The following TASP1 variants were observed in gnomAD, a reference collection of about 807,000 sequenced individuals.
The protein encoded by TASP1 is threonine aspartase 1.
TASP1 carries 16 observed loss-of-function variants against 56.6 expected under a neutral mutation model. The observed-to-expected ratio is 0.28, with a 90% CI of 0.19 to 0.43. The LOEUF is 0.43. Among genes scored for constraint, TASP1 ranks in the 20% least tolerant of loss-of-function variants. TASP1 has a pLI of 1.00. For synonymous variants in TASP1, 179 were observed against 184.2 expected (o/e 0.97, Z 0.23); for missense variants, 393 against 511.6 (o/e 0.77, Z 2.24).
chr20:13,236,616 C>T, the TASP1 span, among the ~76,000 whole-genome samples: 3 of 152,270 alleles, frequency 2.0e-5, no homozygotes, highest in East Asian at 5.8e-4. Context: ...GTACCTTCTG[C>T]CTATGAGCCT....
At chr20:13,484,733 C>CAAAAAAA (rs34720600) in intron 10 of TASP1, among the ~76,000 whole-genome samples, 11 of 81,106 alleles carry the variant, frequency 1.4e-4, no homozygotes, top group East Asian at 3.5e-4. Context: ...CAAGATTTCT[C>CAAAAAAA]AAAAAAAAAA....
At chr20:13,434,974 G>T (rs960568353) in intron 12 of TASP1, 70 bp downstream of exon 12, 7 of 1,100,446 alleles carry the variant, frequency 6.4e-6, no homozygotes, top group Non-Finnish European at 9.2e-6. Context: ...TGACTTAAGG[G>T]TATAAATATT....
At chr20:13,510,311 CA>C (rs1341157400) in intron 10 of TASP1, among the ~76,000 whole-genome samples, 2 of 152,032 alleles carry the variant, frequency 1.3e-5, no homozygotes, top group Non-Finnish European at 2.9e-5. Flanking sequence ...GAGAGGAAAA[CA>C]AATTCAAACA....
At chr20:13,484,668 G>A (rs1357087366) in intron 10 of TASP1, among the ~76,000 whole-genome samples, 2 of 150,776 alleles carry the variant, frequency 1.3e-5, no homozygotes, top group South Asian at 2.1e-4. Flanking sequence ...CCTGGTAGGC[G>A]GAGTTTGCTG....
chr20:13,158,494 C>G, the TASP1 span, among the ~76,000 whole-genome samples: 1 of 152,154 alleles, frequency 6.6e-6, no homozygotes, highest in African/African-American at 2.4e-5. Flanking sequence ...GTCCTGAAAA[C>G]TGGCCTGAGA....
At chr20:13,288,654 C>G in the TASP1 span, 32 of 1,613,812 alleles carry the variant, frequency 2.0e-5, no homozygotes, top group Non-Finnish European at 4.2e-6. Context: ...GCAACAGAAT[C>G]GAGGACCTGT....
chr20:13,406,382 A>T (rs1480793582), intron 13 of TASP1, among the ~76,000 whole-genome samples: 1 of 152,250 alleles, frequency 6.6e-6, no homozygotes, highest in African/African-American at 2.4e-5. Context: ...CACGTCTTGC[A>T]CATCATTCGT....
At chr20:13,508,551 G>A (rs1344856653) in intron 10 of TASP1, among the ~76,000 whole-genome samples, 1 of 152,086 alleles carries the variant, frequency 6.6e-6, no homozygotes, top group Admixed American at 6.6e-5. Flanking sequence ...AACTTCTGGT[G>A]CCCAGCATTT....
At chr20:13,497,893 C>G (rs758538470) in intron 10 of TASP1, among the ~76,000 whole-genome samples, 1 of 152,154 alleles carries the variant, frequency 6.6e-6, no homozygotes, top group African/African-American at 2.4e-5. Context: ...AGAAATGACT[C>G]TGTATTTAAT....
chr20:13,527,293 G>A (rs1385727691), intron 10 of TASP1, among the ~76,000 whole-genome samples: 1 of 152,132 alleles, frequency 6.6e-6, no homozygotes, highest in South Asian at 2.1e-4. Flanking sequence ...CTACTGGACT[G>A]GGTGCTTTGT....
chr20:13,396,456 G>T (rs2041541887), intron 13 of TASP1, among the ~76,000 whole-genome samples: 1 of 152,126 alleles, frequency 6.6e-6, no homozygotes, highest in African/African-American at 2.4e-5. Context: ...TGGGTGAAAA[G>T]ATCTGGGTGC....
chr20:13,520,752 C>G (rs1159700404), intron 10 of TASP1, among the ~76,000 whole-genome samples: 1 of 152,114 alleles, frequency 6.6e-6, no homozygotes, highest in Non-Finnish European at 1.5e-5. Context: ...GCAATGGCAA[C>G]AAAAGCCAAA....
intron 4 of TASP1, among the ~76,000 whole-genome samples, chr20:13,595,688 T>C (rs1490337694): frequency 1.3e-5 from 2 of 152,166 alleles, no homozygotes. Context: ...ATCCTAAATA[T>C]ATATGCACCA....
At chr20:13,547,238 A>G (rs1413166315) in intron 8 of TASP1, among the ~76,000 whole-genome samples, 1 of 152,224 alleles carries the variant, frequency 6.6e-6, no homozygotes, top group Non-Finnish European at 1.5e-5. Context: ...AGATAATTCA[A>G]TTCAATTAAC....
chr20:13,198,303 G>T, the TASP1 span, among the ~76,000 whole-genome samples: 1 of 152,250 alleles, frequency 6.6e-6, no homozygotes, highest in East Asian at 1.9e-4. Context: ...AGGTGCCAAT[G>T]TGGTCGGGTT....
intron 6 of TASP1, among the ~76,000 whole-genome samples, chr20:13,575,551 C>T (rs2046872912): frequency 6.6e-6 from 1 of 152,192 alleles, no homozygotes; most frequent in African/African-American, 2.4e-5. Flanking sequence ...GATTGTGAGG[C>T]TTCGCCAGCC....
the TASP1 span, among the ~76,000 whole-genome samples, chr20:13,381,468 C>T: frequency 6.6e-6 from 1 of 152,336 alleles, no homozygotes; most frequent in South Asian, 2.1e-4. Context: ...AAATCACTTC[C>T]CTTCTGCATT....
At chr20:13,384,921 C>T (rs756729922), downstream of TASP1, among the ~76,000 whole-genome samples, 4 of 152,182 alleles carry the variant, frequency 2.6e-5, no homozygotes, top group Non-Finnish European at 5.9e-5. Context: ...GCCACTGCAA[C>T]CTTAAGGTGA....
chr20:13,468,729 T>C (rs910347960), intron 11 of TASP1, among the ~76,000 whole-genome samples: 16 of 152,272 alleles, frequency 1.1e-4, no homozygotes, highest in African/African-American at 3.8e-4. Flanking sequence ...CCGTAACTAA[T>C]ATTAGTGGTT....
Sources: gnomAD v4.1 joint callset for allele counts (sites outside exome capture counted in the v4.1 genomes callset) on GRCh38, gnomAD v4.1.1 for gene constraint, MANE v1.5 for transcripts, NCBI Gene and HGNC (gene_info 2026-07-23, HGNC 2026-07-21) for gene names.